The following MRAP variants were observed in gnomAD, a reference collection of about 807,000 sequenced individuals.
MRAP encodes the protein melanocortin 2 receptor accessory protein.
A neutral mutation model predicts 8.7 loss-of-function variants in MRAP; 8 were observed. That is an observed-to-expected ratio of 0.92 (90% CI 0.54 to 1.66). MRAP has a LOEUF of 1.66. MRAP is among the 40% of genes most tolerant of loss of function. The pLI is 0.00. For synonymous variants in MRAP, 95 were observed against 95.5 expected, an observed-to-expected ratio of 1.00 and a Z score of 0.03; for missense variants, 237 against 217.1, an observed-to-expected ratio of 1.09 and a Z score of -0.58.
At chr21:32,313,141 T>C (rs1263640212), downstream of MRAP, 1 of 152,232 alleles carries the variant, frequency 6.6e-6, no homozygotes, top group African/African-American at 2.4e-5. Flanking sequence ...ATTGACTTGC[T>C]GGGCCCTAAG....
rs552729042 is a variant in MRAP at position 32,311,800 on chromosome 21, C to A, written c.323C>A (p.Ala108Glu). The A allele has an allele frequency of 1.9e-6, 3 of 1,614,062 alleles. No individual in the cohort carries two copies. The highest frequency in any genetic ancestry group is 2.5e-6 in the Non-Finnish European group (3 of 1,180,032). The stretch of plus-strand genomic sequence containing the variant: ...CCCCTGGCAACCTCACAGGCTCAGG[C>A]GAGCTCAGTGGAGCCAGGGAGCAGA... ...REPLATSQAQ[A>E]SSVEPGSRTG... The change falls in exon 3 of 3, where the codon GCG becomes GAG. Residue 108 changes from alanine (A) to glutamate (E), a missense_variant. By Grantham distance (107) the Ala-to-Glu change is moderately radical. Coordinates refer to ENST00000303645, the MANE Select transcript of MRAP (RefSeq NM_001379228.1).
chr21:32,307,326 G>A (rs749989268), intron 2 of MRAP, among the ~76,000 whole-genome samples: 1 of 152,194 alleles, frequency 6.6e-6, no homozygotes, highest in Non-Finnish European at 1.5e-5. Context: ...TGTAATCCCA[G>A]CACTTTGGGA....
chr21:32,307,674 C>T (rs528982702), intron 2 of MRAP, among the ~76,000 whole-genome samples: 7 of 151,956 alleles, frequency 4.6e-5, no homozygotes, highest in African/African-American at 1.4e-4. Flanking sequence ...GCAGGAGGAT[C>T]GCTTGAGCCC....
intron 2 of MRAP, among the ~76,000 whole-genome samples, chr21:32,293,790 T>A (rs2032092602): frequency 6.6e-6 from 1 of 152,216 alleles, no homozygotes. Flanking sequence ...TTTGTTAATA[T>A]AAGTATGTCA....
chr21:32,310,469 C>T (rs1190789419), intron 2 of MRAP, among the ~76,000 whole-genome samples: 1 of 152,118 alleles, frequency 6.6e-6, no homozygotes, highest in African/African-American at 2.4e-5. Flanking sequence ...ACATTTAAGT[C>T]GTTTTATACA....
chr21:32,298,835 G>A, upstream of MRAP: 1 of 699,582 alleles, frequency 1.4e-6, no homozygotes, highest in Admixed American at 2.0e-5. Flanking sequence ...TAAGTGGGCA[G>A]ACCTTGAGCC....
intron 1 of MRAP, among the ~76,000 whole-genome samples, chr21:32,304,746 A>G (rs1050808753): frequency 1.3e-5 from 2 of 152,074 alleles, no homozygotes; most frequent in African/African-American, 4.8e-5. Flanking sequence ...AGGTGCTCTT[A>G]AACAGTTCCC....
At chr21:32,296,811 A>G (rs901710314), upstream of MRAP, among the ~76,000 whole-genome samples, 2 of 152,214 alleles carry the variant, frequency 1.3e-5, no homozygotes. Flanking sequence ...GGCCCTTACC[A>G]TGAATGAAGC....
intron 2 of MRAP, among the ~76,000 whole-genome samples, chr21:32,293,851 A>G (rs2032093217): frequency 6.6e-6 from 1 of 152,118 alleles, no homozygotes; most frequent in Admixed American, 6.5e-5. Context: ...TACTAATGTC[A>G]AAGGGGCAAC....
chr21:32,304,656 CAAACA>C lies in MRAP; in HGVS notation c.107-1976_107-1972del, dbSNP rs1220091675. ...CAAAAAACAAAACAAAACAAACAAA[CAAACA>C]AAACAAACCAAAAAAACTCCTTTTA... is the stretch of plus-strand genomic sequence containing the variant. On this transcript the variant is annotated intron_variant, in intron 1 of 2. Transcript: ENST00000303645. 5.7e-5 allele frequency among the ~76,000 whole-genome samples: 3 copies of C among 52,396 alleles called. No homozygotes were observed. The East Asian group carries it at 9.9e-4, about 17-fold the overall frequency. The allele number at this position is 52,396 out of a possible 152,430, so 34.4% of individuals were successfully genotyped here.
chr21:32,303,568 G>C (rs2032336087), intron 1 of MRAP, among the ~76,000 whole-genome samples: 1 of 152,210 alleles, frequency 6.6e-6, no homozygotes, highest in Admixed American at 6.5e-5. Flanking sequence ...AAGGAGGGAA[G>C]AGAGGAGAGA....
chr21:32,312,350 G>C, downstream of MRAP: 3 of 1,199,664 alleles, frequency 2.5e-6, no homozygotes, highest in Non-Finnish European at 3.2e-6. Context: ...TGCGTTATCA[G>C]CCCTGAGTTC....
intron 2 of MRAP, 71 bp from the exon 3 acceptor site, chr21:32,311,613 C>A: frequency 6.4e-7 from 1 of 1,554,130 alleles, no homozygotes; most frequent in Non-Finnish European, 8.7e-7. Flanking sequence ...GGCAGGAAAC[C>A]CCCCAGCCCC....
chr21:32,304,963 T>C (rs1175856469), intron 1 of MRAP, among the ~76,000 whole-genome samples: 5 of 103,968 alleles, frequency 4.8e-5, no homozygotes, highest in Admixed American at 1.0e-4. Context: ...GTTTTTTTTG[T>C]TGTTTTTTTT....
chr21:32,312,234 C>G lies in MRAP; in HGVS notation c.*238C>G. The G allele has an allele frequency of 2.8e-6, 4 of 1,433,368 alleles. No homozygotes were observed. Among genetic ancestry groups the G allele is most frequent in the Non-Finnish European group, 3.6e-6 (4 of 1,096,844 alleles). The allele number at this position is 1,433,368 out of a possible 1,614,324, so 88.8% of individuals were successfully genotyped here. A position where few individuals can be genotyped will look rare whatever the true frequency, so the allele number is the denominator to read the frequency against. ...GCACACCTAGCCTGCTTGCTTACTG[C>G]TTATATTTGCTCAGGGAAGAGTAGG... On this transcript the variant is annotated 3_prime_UTR_variant, in exon 3 of 3. Coordinates refer to ENST00000303645, the MANE Select transcript of MRAP (RefSeq NM_001379228.1).
At chr21:32,309,117 G>A (rs917988276) in intron 2 of MRAP, among the ~76,000 whole-genome samples, 1 of 152,174 alleles carries the variant, frequency 6.6e-6, no homozygotes, top group African/African-American at 2.4e-5. Flanking sequence ...AGGCTTAGAA[G>A]TCTAGGAAGC....
intron 1 of MRAP, among the ~76,000 whole-genome samples, chr21:32,305,378 C>T (rs531146075): frequency 6.6e-6 from 1 of 152,320 alleles, no homozygotes; most frequent in East Asian, 1.9e-4. Context: ...GCAGAGATGA[C>T]ATCCTTTACT....
chr21:32,308,384 GAAAAAAAAAAGAA>G (rs770582123), intron 2 of MRAP: 1 of 145,558 alleles, frequency 6.9e-6, no homozygotes, highest in Non-Finnish European at 1.5e-5. Context: ...TCTCCAAAAA[GAAAAAAAAAAGAA>G]AAAAGAAAAA....
intron 1 of MRAP, among the ~76,000 whole-genome samples, chr21:32,301,830 C>T (rs2032304315): frequency 1.3e-5 from 2 of 152,286 alleles, no homozygotes; most frequent in South Asian, 2.1e-4. Context: ...CAGTCTGTTC[C>T]TCTGCTTCTC....
Sources: gnomAD v4.1 joint callset for allele counts (sites outside exome capture counted in the v4.1 genomes callset) on GRCh38, gnomAD v4.1.1 for gene constraint, MANE v1.5 for transcripts, NCBI Gene and HGNC (gene_info 2026-07-23, HGNC 2026-07-21) for gene names.